Variants in ZNF362 observed in about 807,000 individuals in gnomAD.
ZNF362 encodes rotund homolog.
ZNF362 carries 11 observed loss-of-function variants against 42.9 expected under a neutral mutation model. The ratio of observed to expected loss-of-function variants is 0.26; its 90% CI spans 0.16 to 0.42. The LOEUF (loss-of-function observed/expected upper bound fraction) is 0.42. Ranked by LOEUF, ZNF362 falls within the 20% of genes least tolerant of loss-of-function variation. ZNF362 has a pLI of 1.00. For missense variants in ZNF362, 362 were observed against 576.2 expected (o/e 0.63, Z 3.81); for synonymous variants, 255 against 257.3 (o/e 0.99, Z 0.09).
the ZNF362 span, chr1:33,146,996 G>A: frequency 1.6e-6 from 1 of 637,176 alleles, no homozygotes; most frequent in African/African-American, 1.8e-5. Context: ...ATCGATGCTG[G>A]AAGAGAGTTT....
At chr1:33,171,451 G>A in the ZNF362 span, among the ~76,000 whole-genome samples, 1 of 152,202 alleles carries the variant, frequency 6.6e-6, no homozygotes, top group Non-Finnish European at 1.5e-5. Context: ...CAGCTAGTAA[G>A]AGGCAGAGGG....
the ZNF362 span, among the ~76,000 whole-genome samples, chr1:33,213,401 A>T: frequency 4.6e-5 from 7 of 152,210 alleles, no homozygotes; most frequent in African/African-American, 1.7e-4. Context: ...ATTGTTTGTC[A>T]ATTGTATTTC....
the ZNF362 span, among the ~76,000 whole-genome samples, chr1:33,202,698 T>C: frequency 1.3e-5 from 2 of 152,086 alleles, no homozygotes; most frequent in Non-Finnish European, 2.9e-5. Context: ...ATTTATCATG[T>C]TGACAGGCTG....
At chr1:33,134,158 G>A in the ZNF362 span, among the ~76,000 whole-genome samples, 1 of 152,234 alleles carries the variant, frequency 6.6e-6, no homozygotes, top group Non-Finnish European at 1.5e-5. Flanking sequence ...ATGTGGCCCA[G>A]CCCCGTAAGA....
the ZNF362 span, among the ~76,000 whole-genome samples, chr1:33,189,693 A>G: frequency 3.0e-4 from 5 of 16,470 alleles, no homozygotes; most frequent in East Asian, 2.6e-3. Context: ...ACGTATATAT[A>G]TATACACATA....
intron 1 of ZNF362, among the ~76,000 whole-genome samples, chr1:33,263,524 C>T (rs565884661): frequency 1.3e-5 from 2 of 152,204 alleles, no homozygotes; most frequent in South Asian, 4.2e-4. Flanking sequence ...AATTCTCCTG[C>T]CTCAGCCTCC....
the ZNF362 span, among the ~76,000 whole-genome samples, chr1:33,189,011 G>C: frequency 6.6e-6 from 1 of 152,192 alleles, no homozygotes; most frequent in Non-Finnish European, 1.5e-5. Context: ...CAGCTGAACT[G>C]TTCACTACTG....
chr1:33,236,748 G>T, the ZNF362 span, among the ~76,000 whole-genome samples: 2 of 151,122 alleles, frequency 1.3e-5, no homozygotes, highest in East Asian at 3.9e-4. Flanking sequence ...TTGTTAATTA[G>T]CTTTATTTAA....
chr1:33,265,458 C>T (rs1051911064), intron 1 of ZNF362, among the ~76,000 whole-genome samples: 19 of 152,024 alleles, frequency 1.2e-4, no homozygotes, highest in African/African-American at 4.6e-4. Flanking sequence ...CGTGGGGCTG[C>T]GGAAACCCGG....
intron 2 of ZNF362, chr1:33,274,759 C>G (rs1377444189): frequency 5.4e-6 from 1 of 185,740 alleles, no homozygotes; most frequent in Admixed American, 6.5e-5. Context: ...TTGAGCAAAT[C>G]TGATTTCTAG....
intron 6 of ZNF362, among the ~76,000 whole-genome samples, chr1:33,289,318 G>A (rs907367601): frequency 2.0e-5 from 3 of 152,150 alleles, no homozygotes; most frequent in African/African-American, 7.2e-5. Context: ...GAATGTGAAG[G>A]GCCTTGCAAG....
chr1:33,263,925 C>A (rs1231431366), intron 1 of ZNF362, among the ~76,000 whole-genome samples: 2 of 152,138 alleles, frequency 1.3e-5, no homozygotes, highest in African/African-American at 4.8e-5. Flanking sequence ...CTGTTCCCCG[C>A]GAGCCATTTG....
intron 6 of ZNF362, among the ~76,000 whole-genome samples, chr1:33,287,906 G>A (rs1300792395): frequency 1.3e-5 from 2 of 152,132 alleles, no homozygotes; most frequent in African/African-American, 4.8e-5. Flanking sequence ...CTCAAGGAAT[G>A]TTTAACCTTC....
At chr1:33,166,848 T>G in the ZNF362 span, among the ~76,000 whole-genome samples, 9 of 152,238 alleles carry the variant, frequency 5.9e-5, no homozygotes, top group Non-Finnish European at 1.2e-4. Flanking sequence ...GCATTGTTAG[T>G]GATCCTGGCC....
intron 1 of ZNF362, among the ~76,000 whole-genome samples, chr1:33,262,543 G>A (rs1343676375): frequency 6.6e-6 from 1 of 152,048 alleles, no homozygotes. Context: ...TCCTGACCTT[G>A]TGATCCATCC....
chr1:33,276,049 C>T lies in ZNF362; in HGVS notation c.39-51C>T, dbSNP rs540614978. On this transcript the variant is annotated intron_variant, in intron 2 of 8. Coordinates refer to ENST00000539719, the MANE Select transcript of ZNF362 (RefSeq NM_152493.3). ...GGGCGCAGCTGAGGGGTGCTCGCCC[C>T]AGGCCTTGGGGAGGGCTCTCTTCCC... is the stretch of plus-strand genomic sequence containing the variant. The T allele has an allele frequency of 1.9e-5, 31 of 1,607,996 alleles. No individual in the cohort carries two copies. In the East Asian group the frequency reaches 6.9e-4, roughly 36 times the overall value.
rs1645869331 is a variant in ZNF362, at chr1:33,266,990, G to T, written c.-88-3497G>T. Among the ~76,000 whole-genome samples, 1 of 152,158 alleles carries T rather than the reference G, an allele frequency of 6.6e-6. No homozygotes were observed. Among genetic ancestry groups the T allele is most frequent in the African/African-American group, 2.4e-5 (1 of 41,444 alleles). On this transcript the variant is annotated intron_variant, in intron 1 of 8. Coordinates refer to ENST00000539719, the MANE Select transcript of ZNF362 (RefSeq NM_152493.3). This position sits in a 1 kb window ranked among gnomAD's most constrained non-coding sequence, Gnocchi z 4.3. ...CCTGGGAAGGCTCTCCTTCGGCTTG[G>T]TCCTCCCCGCTGGGGCCCCTGGATG...
chr1:33,139,008 C>T, the ZNF362 span, among the ~76,000 whole-genome samples: 1 of 152,188 alleles, frequency 6.6e-6, no homozygotes, highest in Admixed American at 6.5e-5. Context: ...AAAATGCCTG[C>T]AAGACTCGCA....
the ZNF362 span, among the ~76,000 whole-genome samples, chr1:33,236,170 A>C: frequency 2.0e-5 from 3 of 152,040 alleles, no homozygotes; most frequent in East Asian, 5.8e-4. Flanking sequence ...AGCGCAATGA[A>C]TTAGCACAGT....
Sources: gnomAD v4.1 joint callset for allele counts (sites outside exome capture counted in the v4.1 genomes callset) on GRCh38, gnomAD v4.1.1 for gene constraint, Gnocchi (gnomAD v3.1) non-coding constraint, MANE v1.5 for transcripts, NCBI Gene and HGNC (gene_info 2026-07-23, HGNC 2026-07-21) for gene names.